The following TFDP2 variants were observed in gnomAD, a reference collection of about 807,000 sequenced individuals.
TFDP2 encodes the protein transcription factor Dp-2, also known as transcription factor Dp-2 (E2F dimerization partner 2).
Under a neutral mutation model 59.3 loss-of-function variants are expected in TFDP2, and 17 were observed. The ratio of observed to expected loss-of-function variants is 0.29; its 90% CI spans 0.20 to 0.43. The LOEUF (loss-of-function observed/expected upper bound fraction) is 0.43, where lower values mean the gene tolerates loss of function less well. Among genes scored for constraint, TFDP2 ranks in the 20% least tolerant of loss-of-function variants. The pLI, the probability that TFDP2 is intolerant of heterozygous loss-of-function variation, is 1.00. For missense variants in TFDP2, 391 were observed against 528.8 expected, an observed-to-expected ratio of 0.74 and a Z score of 2.56; for synonymous variants, 180 against 194.7, an observed-to-expected ratio of 0.92 and a Z score of 0.63.
At chr3:142,057,064 CTCAT>C (rs1309097478) in intron 3 of TFDP2, among the ~76,000 whole-genome samples, 1 of 152,212 alleles carries the variant, frequency 6.6e-6, no homozygotes. Flanking sequence ...CAGGCCTACA[CTCAT>C]TCATTCACTG....
chr3:142,011,941 G>A lies in TFDP2; in HGVS notation c.83-6397C>T, dbSNP rs1944741180. ...GATTTTAATTAGAGAGGAATAAACT[G>A]ACCCTTGTTAGAATACAAAATTCTA... On this transcript the variant is annotated intron_variant, in intron 3 of 12. Coordinates refer to ENST00000489671, the MANE Select transcript of TFDP2 (RefSeq NM_001178139.2). Among the ~76,000 whole-genome samples, 3 of 151,790 alleles carry A rather than the reference G, an allele frequency of 2.0e-5. No homozygotes were observed. The South Asian group carries it at 6.2e-4, about 32-fold the overall frequency.
At chr3:142,130,725 T>G (rs1293652391) in intron 1 of TFDP2, among the ~76,000 whole-genome samples, 1 of 151,970 alleles carries the variant, frequency 6.6e-6, no homozygotes, top group African/African-American at 2.4e-5. Flanking sequence ...ACAATATGAA[T>G]GTACTTCCTA....
At position 142,084,992 on chromosome 3, in the gene TFDP2, C is replaced by T. The variant is rs369395898; in HGVS notation, c.82+8069G>A. Reference sequence around the variant, plus strand: ...CCGGAGTGCAGTGGTGTGATCTCAGCTCAATGCAACCTCTACCTCTCAGAT... The same window carrying T: ...CCGGAGTGCAGTGGTGTGATCTCAGTTCAATGCAACCTCTACCTCTCAGAT... On this transcript the variant is annotated intron_variant, in intron 3 of 12. Coordinates refer to ENST00000489671, the MANE Select transcript of TFDP2 (RefSeq NM_001178139.2). 3.9e-5 allele frequency among the ~76,000 whole-genome samples: 6 copies of T among 152,146 alleles called. No homozygotes were observed. In the East Asian group the frequency reaches 5.8e-4, roughly 15 times the overall value.
chr3:142,042,309 T>C (rs1436761258), intron 3 of TFDP2, among the ~76,000 whole-genome samples: 1 of 152,158 alleles, frequency 6.6e-6, no homozygotes, highest in Non-Finnish European at 1.5e-5. Flanking sequence ...CTTTTTTTTT[T>C]TGAGATGAAG....
At chr3:141,999,746 T>A (rs1025551544) in intron 4 of TFDP2, among the ~76,000 whole-genome samples, 1 of 151,950 alleles carries the variant, frequency 6.6e-6, no homozygotes, top group African/African-American at 2.4e-5. Context: ...CCTTTTTTTT[T>A]TTTTTTTGAG....
chr3:142,086,344 A>G (rs1203765976), intron 3 of TFDP2, among the ~76,000 whole-genome samples: 1 of 152,172 alleles, frequency 6.6e-6, no homozygotes, highest in Non-Finnish European at 1.5e-5. Flanking sequence ...GCTCAGAGCC[A>G]TAATACTGTC....
intron 3 of TFDP2, among the ~76,000 whole-genome samples, chr3:142,050,232 C>T (rs1172666704): frequency 1.3e-5 from 2 of 150,090 alleles, no homozygotes; most frequent in African/African-American, 4.9e-5. Flanking sequence ...CCACTGCACT[C>T]CAGCCTGGGT....
chr3:142,141,806 G>A (rs990357313), intron 1 of TFDP2, among the ~76,000 whole-genome samples: 5 of 151,464 alleles, frequency 3.3e-5, no homozygotes, highest in African/African-American at 1.2e-4. Context: ...CTGGGTGACA[G>A]AGCAAGACTC....
chr3:142,132,661 C>T (rs2062560816), intron 1 of TFDP2, among the ~76,000 whole-genome samples: 1 of 148,000 alleles, frequency 6.8e-6, no homozygotes, highest in Non-Finnish European at 1.5e-5. Flanking sequence ...AGGAGAATCG[C>T]TTGCACCCGG....
At chr3:142,065,882 AT>A (rs2060060703) in intron 3 of TFDP2, among the ~76,000 whole-genome samples, 1 of 152,032 alleles carries the variant, frequency 6.6e-6, no homozygotes, top group African/African-American at 2.4e-5. Context: ...CTTACTAGAT[AT>A]TTTGGGGCTT....
intron 3 of TFDP2, among the ~76,000 whole-genome samples, chr3:142,072,028 A>G (rs951166821): frequency 1.3e-5 from 2 of 152,220 alleles, no homozygotes; most frequent in Non-Finnish European, 2.9e-5. Flanking sequence ...GGGAGAATAC[A>G]CAAGGTGAGA....
chr3:142,128,908 T>C (rs1462176423), intron 1 of TFDP2, among the ~76,000 whole-genome samples: 2 of 64,766 alleles, frequency 3.1e-5, no homozygotes, highest in African/African-American at 1.7e-4. Context: ...AAAAAAGAAA[T>C]GCAACTTTCT....
At chr3:142,075,214 T>C (rs2060401094) in intron 3 of TFDP2, among the ~76,000 whole-genome samples, 1 of 152,086 alleles carries the variant, frequency 6.6e-6, no homozygotes, top group African/African-American at 2.4e-5. Context: ...CTGTAATCCA[T>C]CAAAATTAAG....
At chr3:142,063,798 T>C (rs2059991426) in intron 3 of TFDP2, among the ~76,000 whole-genome samples, 1 of 152,136 alleles carries the variant, frequency 6.6e-6, no homozygotes, top group Admixed American at 6.6e-5. Flanking sequence ...CATGTAAAGC[T>C]TGATGACATC....
chr3:141,956,940 A>AC (rs35650402), intron 11 of TFDP2, among the ~76,000 whole-genome samples: 94,131 of 137,338 alleles, frequency 0.69, 30,273 homozygotes, highest in South Asian at 0.73. Flanking sequence ...ACCCTGCCCC[A>AC]CCCCCCCCAC....
intron 6 of TFDP2, among the ~76,000 whole-genome samples, chr3:141,991,472 A>C (rs1942754106): frequency 6.6e-6 from 1 of 152,190 alleles, no homozygotes; most frequent in Non-Finnish European, 1.5e-5. Flanking sequence ...AAAAAATAAA[A>C]AAAAGGCCAG....
chr3:142,098,195 TTATCTG>T (rs1560141119), intron 2 of TFDP2, among the ~76,000 whole-genome samples: 2 of 151,938 alleles, frequency 1.3e-5, no homozygotes, highest in African/African-American at 4.8e-5. Context: ...TTTCTTTTCT[TTATCTG>T]TATTTTCTAA....
At chr3:142,068,866 C>T (rs1423484297) in intron 3 of TFDP2, among the ~76,000 whole-genome samples, 2 of 152,002 alleles carry the variant, frequency 1.3e-5, no homozygotes, top group Non-Finnish European at 2.9e-5. Context: ...GCCTGTTCCT[C>T]ACTTCTTTAA....
chr3:142,125,367 G>A (rs143985243), intron 1 of TFDP2, among the ~76,000 whole-genome samples: 2 of 152,306 alleles, frequency 1.3e-5, no homozygotes, highest in African/African-American at 4.8e-5. Context: ...TTTGCCTTAC[G>A]TTAGTGGTGG....
Sources: allele counts gnomAD v4.1 joint callset (sites outside exome capture counted in the v4.1 genomes callset), GRCh38; gene constraint gnomAD v4.1.1; transcripts MANE v1.5; gene names NCBI Gene and HGNC (gene_info 2026-07-23, HGNC 2026-07-21).